The following PCDHGA2 variants were observed in gnomAD, a reference collection of about 807,000 sequenced individuals.
PCDHGA2 encodes the protein protocadherin gamma-A2.
A neutral mutation model predicts 59.2 loss-of-function variants in PCDHGA2; 40 were observed. The observed-to-expected ratio is 0.68, with a 90% CI of 0.52 to 0.88. The LOEUF is 0.88. PCDHGA2 is among the 40% of genes least tolerant of loss of function. PCDHGA2 has a pLI of 0.00. For synonymous variants in PCDHGA2, 560 were observed against 526.0 expected (o/e 1.06, Z -0.89); for missense variants, 1,226 against 1,204.0 (o/e 1.02, Z -0.27).
chr5:141,416,523 C>G (rs2096035969), intron 1 of PCDHGA2: 1 of 152,064 alleles, frequency 6.6e-6, no homozygotes, highest in Admixed American at 6.6e-5. Flanking sequence ...TTCAGTGGCT[C>G]TTTAATGTAT....
intron 1 of PCDHGA2, chr5:141,422,633 G>C: frequency 6.2e-7 from 1 of 1,613,120 alleles, no homozygotes; most frequent in Non-Finnish European, 8.5e-7. Context: ...AACCCCAGGG[G>C]TGCCTCCATC....
intron 1 of PCDHGA2, among the ~76,000 whole-genome samples, chr5:141,455,830 C>T (rs928219545): frequency 2.0e-5 from 3 of 151,170 alleles, no homozygotes; most frequent in African/African-American, 7.3e-5. Flanking sequence ...GACCCCTTTT[C>T]CTGTCTATCT....
At chr5:141,404,752 G>A (rs774409689) in intron 1 of PCDHGA2, 1 of 1,614,010 alleles carries the variant, frequency 6.2e-7, no homozygotes, top group Non-Finnish European at 8.5e-7. Context: ...ACTCAGGCCA[G>A]AATGCTTGGC....
intron 1 of PCDHGA2, chr5:141,342,024 C>T (rs1245239182): frequency 6.5e-6 from 1 of 153,608 alleles, no homozygotes; most frequent in Non-Finnish European, 1.4e-5. Context: ...TCACATTAAC[C>T]TCTAAGCTAT....
At chr5:141,429,912 A>G (rs1341795921) in intron 1 of PCDHGA2, among the ~76,000 whole-genome samples, 2 of 152,234 alleles carry the variant, frequency 1.3e-5, no homozygotes, top group Admixed American at 1.3e-4. Flanking sequence ...TTGAAATATA[A>G]TGTATTAATA....
chr5:141,389,211 G>A, intron 1 of PCDHGA2: 2 of 1,614,058 alleles, frequency 1.2e-6, no homozygotes, highest in South Asian at 2.2e-5. Flanking sequence ...CATTGGTGAT[G>A]TAAATGACAA....
chr5:141,466,085 G>T (rs1028177123), intron 1 of PCDHGA2, among the ~76,000 whole-genome samples: 2 of 151,984 alleles, frequency 1.3e-5, no homozygotes, highest in African/African-American at 4.8e-5. Flanking sequence ...TCATGCCACT[G>T]CACTCCAGCC....
intron 3 of PCDHGA2, chr5:141,506,988 A>G (rs1364718512): frequency 1.3e-5 from 2 of 152,192 alleles, no homozygotes; most frequent in Non-Finnish European, 2.9e-5. Context: ...CTGATTTCTC[A>G]CACTCGACAG....
chr5:141,423,011 T>C, intron 1 of PCDHGA2: 4 of 1,614,186 alleles, frequency 2.5e-6, no homozygotes, highest in Non-Finnish European at 3.4e-6. Flanking sequence ...GTGGTTGCGG[T>C]GGACAAAGAT....
At position 141,489,559 on chromosome 5, in the gene PCDHGA2, C is replaced by A; in HGVS notation, c.2425-5248C>A. ...CAGCACCAGCTGCCTGCTGCCAGTG[C>A]AGGTGGTGACTGAACACCCCCTGGA... On this transcript the variant is annotated intron_variant, in intron 1 of 3. Coordinates refer to ENST00000394576, the MANE Select transcript of PCDHGA2 (RefSeq NM_018915.4). This position sits in a 1 kb window ranked among gnomAD's most constrained non-coding sequence, Gnocchi z 4.5. The A allele has an allele frequency of 6.2e-7, 1 of 1,614,078 alleles. No homozygotes were observed. The highest frequency in any genetic ancestry group is 8.5e-7 in the Non-Finnish European group (1 of 1,180,014).
chr5:141,403,598 G>A (rs2094431142), intron 1 of PCDHGA2: 1 of 1,613,702 alleles, frequency 6.2e-7, no homozygotes, highest in Non-Finnish European at 8.5e-7. Flanking sequence ...CACGGCCTCG[G>A]ATGGCGGCGA....
At chr5:141,482,343 A>G (rs1016179369) in intron 1 of PCDHGA2, among the ~76,000 whole-genome samples, 3 of 152,126 alleles carry the variant, frequency 2.0e-5, no homozygotes, top group Non-Finnish European at 2.9e-5. Flanking sequence ...TACTTTGCAA[A>G]CTTGTTGTGA....
chr5:141,508,091 GCCC>G (rs2099866180), intron 3 of PCDHGA2: 1 of 152,482 alleles, frequency 6.6e-6, no homozygotes, highest in Non-Finnish European at 1.5e-5. Flanking sequence ...TGCTGCCTTG[GCCC>G]TGGGATGGGG....
At chr5:141,372,616 C>T (rs1289157345) in intron 1 of PCDHGA2, 1 of 1,613,978 alleles carries the variant, frequency 6.2e-7, no homozygotes, top group African/African-American at 1.3e-5. Flanking sequence ...GGAGTTCTCC[C>T]CACCTACAGC....
At chr5:141,346,625 C>T (rs548281079) in intron 1 of PCDHGA2, 17 of 1,025,228 alleles carry the variant, frequency 1.7e-5, no homozygotes, top group African/African-American at 9.7e-5. Context: ...CTGCACTCCC[C>T]GGTCTGGTTA....
chr5:141,448,505 T>C (rs1041076095), intron 1 of PCDHGA2, among the ~76,000 whole-genome samples: 24 of 152,172 alleles, frequency 1.6e-4, no homozygotes, highest in African/African-American at 5.8e-4. Flanking sequence ...AGGTAAACAT[T>C]TTATAACTTT....
chr5:141,430,720 T>G, intron 1 of PCDHGA2: 1 of 1,486,390 alleles, frequency 6.7e-7, no homozygotes, highest in East Asian at 2.4e-5. Flanking sequence ...ACTTCAGTGG[T>G]TAAGGGCAGA....
intron 1 of PCDHGA2, among the ~76,000 whole-genome samples, chr5:141,349,117 A>G (rs1758236347): frequency 6.6e-6 from 1 of 152,080 alleles, no homozygotes; most frequent in Non-Finnish European, 1.5e-5. Flanking sequence ...GTCACCCAGG[A>G]TGGACTTCAG....
intron 1 of PCDHGA2, among the ~76,000 whole-genome samples, chr5:141,373,736 A>G (rs1260777730): frequency 6.6e-6 from 1 of 152,226 alleles, no homozygotes. Flanking sequence ...TAAATGCTTC[A>G]TTATCTTGGG....
Sources: gnomAD v4.1 joint callset for allele counts (sites outside exome capture counted in the v4.1 genomes callset) on GRCh38, gnomAD v4.1.1 for gene constraint, Gnocchi (gnomAD v3.1) non-coding constraint, MANE v1.5 for transcripts, NCBI Gene and HGNC (gene_info 2026-07-23, HGNC 2026-07-21) for gene names.